Variants in WDPCP observed in about 807,000 individuals in gnomAD.
WDPCP encodes WD repeat-containing and planar cell polarity effector protein fritz homolog.
Under a neutral mutation model 93.1 loss-of-function variants are expected in WDPCP, and 71 were observed. The observed-to-expected ratio is 0.76, with a 90% CI of 0.63 to 0.93. The LOEUF is 0.93. Ranked by LOEUF, WDPCP falls within the 40% of genes least tolerant of loss-of-function variation. The pLI, the probability that WDPCP is intolerant of heterozygous loss-of-function variation, is 0.00. For synonymous variants in WDPCP, 315 were observed against 315.0 expected (o/e 1.00, Z 0.00); for missense variants, 844 against 887.4 (o/e 0.95, Z 0.62).
At chr2:63,426,107 G>A (rs962886973) in intron 9 of WDPCP, among the ~76,000 whole-genome samples, 3 of 152,168 alleles carry the variant, frequency 2.0e-5, no homozygotes, top group South Asian at 2.1e-4. Context: ...TTGGGAGGCC[G>A]AGGCAGGCGG....
At chr2:63,753,584 G>A (rs1457381368) in intron 2 of WDPCP, among the ~76,000 whole-genome samples, 1 of 152,196 alleles carries the variant, frequency 6.6e-6, no homozygotes, top group East Asian at 1.9e-4. Context: ...AGGCAAAGGG[G>A]AAACCAGCAC....
chr2:63,697,717 G>A (rs370529724), intron 2 of WDPCP, among the ~76,000 whole-genome samples: 1 of 151,954 alleles, frequency 6.6e-6, no homozygotes, highest in Non-Finnish European at 1.5e-5. Context: ...GCGTGATCTT[G>A]GCTCACTGCA....
chr2:63,212,810 A>T (rs1559208624), intron 14 of WDPCP, among the ~76,000 whole-genome samples: 1 of 150,828 alleles, frequency 6.6e-6, no homozygotes, highest in Non-Finnish European at 1.5e-5. Flanking sequence ...AAAAAAAAGC[A>T]GGGGTTGCAA....
chr2:63,244,125 G>C (rs1305007216), intron 14 of WDPCP, among the ~76,000 whole-genome samples: 1 of 152,072 alleles, frequency 6.6e-6, no homozygotes, highest in Non-Finnish European at 1.5e-5. Context: ...ACTTACTCTT[G>C]AATTATTTTG....
At chr2:63,358,416 G>A (rs1575218885) in intron 12 of WDPCP, among the ~76,000 whole-genome samples, 1 of 152,040 alleles carries the variant, frequency 6.6e-6, no homozygotes, top group East Asian at 1.9e-4. Flanking sequence ...AGAAATACAG[G>A]AGATTCAGAT....
intron 6 of WDPCP, among the ~76,000 whole-genome samples, chr2:63,460,508 C>T (rs959370329): frequency 6.6e-6 from 1 of 152,100 alleles, no homozygotes; most frequent in African/African-American, 2.4e-5. Flanking sequence ...AAATACTACC[C>T]ACTCAAGTTA....
At chr2:63,640,413 A>G (rs748151260) in intron 3 of WDPCP, among the ~76,000 whole-genome samples, 60 of 152,300 alleles carry the variant, frequency 3.9e-4, no homozygotes, top group Non-Finnish European at 5.6e-4. Context: ...AGGATTGCTT[A>G]AGCCTGGCAG....
chr2:63,802,281 TAAAAAAAA>T (rs58717654), intron 2 of WDPCP, among the ~76,000 whole-genome samples: 59 of 54,378 alleles, frequency 1.1e-3, no homozygotes, highest in South Asian at 3.8e-3. Flanking sequence ...CCCTCTCTCT[TAAAAAAAA>T]AAAAAAAAAA....
chr2:63,679,477 C>T (rs1710463427), intron 2 of WDPCP, among the ~76,000 whole-genome samples: 1 of 152,150 alleles, frequency 6.6e-6, no homozygotes, highest in Admixed American at 6.5e-5. Flanking sequence ...AGCCATCTGT[C>T]TGACAGTCCT....
At chr2:63,557,004 A>T (rs1706178608) in intron 1 of WDPCP, among the ~76,000 whole-genome samples, 1 of 152,230 alleles carries the variant, frequency 6.6e-6, no homozygotes, top group African/African-American at 2.4e-5. Flanking sequence ...TCCTTACAAG[A>T]GCTCCTAAAG....
chr2:63,779,998 G>A (rs1475895456), intron 2 of WDPCP, among the ~76,000 whole-genome samples: 12 of 152,092 alleles, frequency 7.9e-5, no homozygotes, highest in Middle Eastern at 6.8e-3. Flanking sequence ...AAATAGTTAG[G>A]GTTCTTGGTA....
chr2:63,251,828 T>C (rs1413271128), intron 14 of WDPCP, among the ~76,000 whole-genome samples: 3 of 151,734 alleles, frequency 2.0e-5, no homozygotes. Flanking sequence ...CCGGACCAGA[T>C]GGATTTGCAG....
chr2:63,190,815 G>A (rs971051555), intron 14 of WDPCP, among the ~76,000 whole-genome samples: 1 of 152,088 alleles, frequency 6.6e-6, no homozygotes, highest in Non-Finnish European at 1.5e-5. Context: ...ATTTTGGTGG[G>A]GGTGGGGTAC....
chr2:63,836,454 A>G, the WDPCP span, among the ~76,000 whole-genome samples: 1 of 152,232 alleles, frequency 6.6e-6, no homozygotes, highest in East Asian at 1.9e-4. Context: ...GTCAATAAGT[A>G]ACCTGAACTT....
intron 13 of WDPCP, among the ~76,000 whole-genome samples, chr2:63,288,368 A>G (rs1049341000): frequency 1.3e-5 from 2 of 152,242 alleles, no homozygotes; most frequent in South Asian, 2.1e-4. Context: ...AGGTTACCTG[A>G]ATTTTCAAAA....
At chr2:63,266,779 C>T (rs950455441) in intron 13 of WDPCP, among the ~76,000 whole-genome samples, 1 of 152,086 alleles carries the variant, frequency 6.6e-6, no homozygotes, top group African/African-American at 2.4e-5. Context: ...GCACTCTAGC[C>T]TGGGCAACAG....
At chr2:63,177,393 T>G (rs1160870704) in intron 14 of WDPCP, among the ~76,000 whole-genome samples, 1 of 152,224 alleles carries the variant, frequency 6.6e-6, no homozygotes, top group Non-Finnish European at 1.5e-5. Context: ...TGTCTTTCAA[T>G]TTATTTGTGT....
intron 10 of WDPCP, chr2:63,403,691 C>T (rs997930001): frequency 3.4e-5 from 6 of 176,946 alleles, no homozygotes; most frequent in Non-Finnish European, 6.0e-5. Flanking sequence ...TATTCCATTC[C>T]TACAACACAG....
At chr2:63,373,942 T>C (rs1482581626) in intron 12 of WDPCP, among the ~76,000 whole-genome samples, 1 of 152,168 alleles carries the variant, frequency 6.6e-6, no homozygotes, top group African/African-American at 2.4e-5. Context: ...TCTTCTGATT[T>C]ATATGTTGTT....
Sources: allele counts gnomAD v4.1 joint callset (sites outside exome capture counted in the v4.1 genomes callset), GRCh38; gene constraint gnomAD v4.1.1; transcripts MANE v1.5; gene names NCBI Gene and HGNC (gene_info 2026-07-23, HGNC 2026-07-21).